Variants in PCDHGA4 observed in about 807,000 individuals in gnomAD.
PCDHGA4 encodes protocadherin gamma-A4.
PCDHGA4 carries 38 observed loss-of-function variants against 54.6 expected under a neutral mutation model. The observed-to-expected ratio is 0.70, with a 90% CI of 0.54 to 0.91. PCDHGA4 has a LOEUF of 0.91. PCDHGA4 is among the 40% of genes least tolerant of loss of function. The pLI, the probability that PCDHGA4 is intolerant of heterozygous loss-of-function variation, is 0.00. For missense variants in PCDHGA4, 1,298 were observed against 1,220.9 expected (o/e 1.06, Z -0.94); for synonymous variants, 511 against 512.9 (o/e 1.00, Z 0.05).
intron 2 of PCDHGA4, among the ~76,000 whole-genome samples, chr5:141,504,354 G>C (rs1349256606): frequency 6.6e-6 from 1 of 152,100 alleles, no homozygotes; most frequent in Non-Finnish European, 1.5e-5. Flanking sequence ...TGTGCTAGGT[G>C]CTTCAGTAGG....
intron 1 of PCDHGA4, among the ~76,000 whole-genome samples, chr5:141,451,630 C>T (rs899343801): frequency 2.0e-5 from 3 of 152,132 alleles, no homozygotes; most frequent in Non-Finnish European, 2.9e-5. Flanking sequence ...ACCTGTAATT[C>T]CAGCACTCTG....
intron 1 of PCDHGA4, among the ~76,000 whole-genome samples, chr5:141,464,648 G>A (rs776411908): frequency 6.6e-6 from 1 of 152,020 alleles, no homozygotes; most frequent in African/African-American, 2.4e-5. Flanking sequence ...AACCTGATGG[G>A]TAAAAAGATA....
chr5:141,371,112 C>T (rs756319459), intron 1 of PCDHGA4: 1 of 1,613,922 alleles, frequency 6.2e-7, no homozygotes, highest in Non-Finnish European at 8.5e-7. Flanking sequence ...TGATAACCCC[C>T]CAGTATTTAC....
chr5:141,397,012 A>C (rs944352237), intron 1 of PCDHGA4, among the ~76,000 whole-genome samples: 2 of 152,260 alleles, frequency 1.3e-5, no homozygotes, highest in African/African-American at 4.8e-5. Flanking sequence ...AATGGACTAA[A>C]GAAGGTTGAC....
intron 1 of PCDHGA4, chr5:141,360,475 CTAAA>C: frequency 6.2e-7 from 1 of 1,613,928 alleles, no homozygotes; most frequent in African/African-American, 1.3e-5. Flanking sequence ...TGAAAATCCA[CTAAA>C]TATTTTCTAC....
intron 1 of PCDHGA4, chr5:141,402,840 T>C: frequency 7.2e-7 from 1 of 1,388,218 alleles, no homozygotes; most frequent in Non-Finnish European, 9.5e-7. Flanking sequence ...GCAGCAAAAC[T>C]CAGCCTCTTT....
Position 141,356,800 on chromosome 5 carries a change from G to A in PCDHGA4, c.1693G>A (p.Ala565Thr). The change falls in exon 1 of 4, where the codon GCC (alanine) becomes ACC (threonine). Residue 565 changes from alanine (A) to threonine (T), a missense_variant. By Grantham distance (58) the Ala-to-Thr change is moderately conservative (BLOSUM62 0). Transcript: ENST00000571252. ...TAGAGACCTGCAGCTGCTGATGACAGCCAGTGACAGTGGAGACCCTCCACT... is the reference window on the plus strand; with the variant it reads ...TAGAGACCTGCAGCTGCTGATGACAACCAGTGACAGTGGAGACCCTCCACT... Reference protein sequence around the residue: ...QFRDLQLLMTASDSGDPPLSS... With the variant: ...QFRDLQLLMTTSDSGDPPLSS... 1.2e-6 allele frequency: 2 copies of A among 1,614,046 alleles called. No homozygotes were observed. Among genetic ancestry groups the A allele is most frequent in the Non-Finnish European group, 1.7e-6 (2 of 1,179,914 alleles).
intron 3 of PCDHGA4, among the ~76,000 whole-genome samples, chr5:141,510,272 TAAAAAA>T (rs546154379): frequency 7.7e-6 from 1 of 130,390 alleles, no homozygotes; most frequent in Non-Finnish European, 1.6e-5. Context: ...GACTCCATCT[TAAAAAA>T]AAAAAAAAAA....
intron 1 of PCDHGA4, chr5:141,383,918 T>C: frequency 6.2e-7 from 1 of 1,613,948 alleles, no homozygotes. Flanking sequence ...GTTTTAGATG[T>C]AAATGATAAT....
At chr5:141,404,623 C>T in intron 1 of PCDHGA4, 3 of 1,614,154 alleles carry the variant, frequency 1.9e-6, no homozygotes, top group Non-Finnish European at 2.5e-6. Context: ...ACCAGAATGA[C>T]AATGCCCCAG....
At chr5:141,483,812 A>C (rs1188806533) in intron 1 of PCDHGA4, among the ~76,000 whole-genome samples, 2 of 152,162 alleles carry the variant, frequency 1.3e-5, no homozygotes, top group Non-Finnish European at 2.9e-5. Context: ...TTTTTTTGGC[A>C]GCCAGTGTAA....
chr5:141,492,859 C>T (rs966216924), intron 1 of PCDHGA4, among the ~76,000 whole-genome samples: 1 of 152,232 alleles, frequency 6.6e-6, no homozygotes, highest in Non-Finnish European at 1.5e-5. Flanking sequence ...CTCGAGCGCC[C>T]TGGCTCTCAA....
Position 141,419,305 on chromosome 5 carries a change from G to A in PCDHGA4, c.2514+61684G>A, listed in dbSNP as rs778360128. ...TCAGTGCCTCTGACCCAGACTTCGGGCTCAACGGCCGTGTCTCCTACTCTC... is the reference window on the plus strand; with the variant it reads ...TCAGTGCCTCTGACCCAGACTTCGGACTCAACGGCCGTGTCTCCTACTCTC... On this transcript the variant is annotated intron_variant, in intron 1 of 3. Transcript: ENST00000571252. The A allele has an allele frequency of 3.1e-6, 5 of 1,613,906 alleles. No individual in the cohort carries two copies. The East Asian group carries it at 1.1e-4, about 36-fold the overall frequency.
At chr5:141,374,758 C>T in intron 1 of PCDHGA4, 1 of 1,613,200 alleles carries the variant, frequency 6.2e-7, no homozygotes, top group South Asian at 1.1e-5. Context: ...GCTCAAGCGT[C>T]GCCCAAATTC....
chr5:141,393,446 C>A (rs572838831), intron 1 of PCDHGA4: 1 of 1,614,038 alleles, frequency 6.2e-7, no homozygotes, highest in East Asian at 2.2e-5. Flanking sequence ...ACCACCTGGT[C>A]CTCACGGCCT....
rs1160156030 is a variant in PCDHGA4 at position 141,477,238 on chromosome 5, C to T, written c.2515-17569C>T. 20 of 1,614,094 alleles carry T rather than the reference C, an allele frequency of 1.2e-5. No individual in the cohort carries two copies. The highest frequency in any genetic ancestry group is 5.0e-5 in the Admixed American group (3 of 60,006). The stretch of plus-strand genomic sequence containing the variant: ...CTCTGGGGACTGTCATCGCTTTGCT[C>T]AGTGTGACTGACCTGGATGCTGGCG... On this transcript the variant is annotated intron_variant, in intron 1 of 3. Transcript: ENST00000571252. This position sits in a 1 kb window ranked among gnomAD's most constrained non-coding sequence, Gnocchi z 4.9.
chr5:141,398,345 C>T (rs1442407908), intron 1 of PCDHGA4: 29 of 1,379,896 alleles, frequency 2.1e-5, no homozygotes, highest in Non-Finnish European at 2.8e-5. Context: ...TCGGAGAAGC[C>T]TTACTTCACC....
intron 1 of PCDHGA4, chr5:141,419,006 A>T: frequency 6.2e-7 from 1 of 1,614,006 alleles, no homozygotes. Context: ...TGGGGAAGTC[A>T]GGTGTAGCTT....
rs895234762 is a variant in PCDHGA4 at position 141,476,911 on chromosome 5, A to G, written c.2515-17896A>G. 4 of 1,613,972 alleles carry G rather than the reference A, an allele frequency of 2.5e-6. No individual in the cohort carries two copies. The African/African-American group carries it at 4.0e-5, about 16-fold the overall frequency. On this transcript the variant is annotated intron_variant, in intron 1 of 3. Transcript: ENST00000571252. This position sits in a 1 kb window ranked among gnomAD's most constrained non-coding sequence, Gnocchi z 7.6. ...CACCCTCCGGCACGCGCGTGGTACA[A>G]GTCCTTGCAACGGATCTGGATGAAG...
Sources: gnomAD v4.1 joint callset for allele counts (sites outside exome capture counted in the v4.1 genomes callset) on GRCh38, gnomAD v4.1.1 for gene constraint, Gnocchi (gnomAD v3.1) non-coding constraint, MANE v1.5 for transcripts, NCBI Gene and HGNC (gene_info 2026-07-23, HGNC 2026-07-21) for gene names.